The following MYH11 variants were observed in gnomAD, a reference collection of about 807,000 sequenced individuals.
The protein encoded by MYH11 is myosin-11.
MYH11 carries 80 observed loss-of-function variants against 246.6 expected under a neutral mutation model. The observed-to-expected ratio is 0.32, with a 90% CI of 0.27 to 0.39. MYH11 has a LOEUF of 0.39. MYH11 is among the 10% of genes least tolerant of loss of function. The pLI, the probability that MYH11 is intolerant of heterozygous loss-of-function variation, is 1.00. For synonymous variants in MYH11, 1,071 were observed against 1,015.5 expected (o/e 1.05, Z -1.04); for missense variants, 2,158 against 2,546.8 (o/e 0.85, Z 3.29).
At position 15,795,192 on chromosome 16, in the gene MYH11, C is replaced by T. The variant is rs541983969; in HGVS notation, c.530+3468G>A. 2.6e-5 allele frequency among the ~76,000 whole-genome samples: 4 copies of T among 152,246 alleles called. No individual in the cohort carries two copies. In the South Asian group the frequency reaches 6.2e-4, roughly 24 times the overall value. On this transcript the variant is annotated intron_variant, in intron 4 of 40. Transcript: ENST00000300036. Reference sequence around the variant, plus strand: ...GCATGATGGCATAATACTCGGGAAGCTGAGGCAGGAGAATTGCTTGAACCC... The same window carrying T: ...GCATGATGGCATAATACTCGGGAAGTTGAGGCAGGAGAATTGCTTGAACCC...
chr16:15,855,970 T>C (rs1169034018), intron 1 of MYH11, among the ~76,000 whole-genome samples: 2 of 152,228 alleles, frequency 1.3e-5, no homozygotes, highest in Non-Finnish European at 2.9e-5. Context: ...TGGCTTTGGA[T>C]GGTACCTTTT....
chr16:15,726,945 T>C lies in MYH11; in HGVS notation c.3761A>G (p.Lys1254Arg). 1 of 1,613,452 alleles carries C rather than the reference T, an allele frequency of 6.2e-7. No individual in the cohort carries two copies. The highest frequency in any genetic ancestry group is 8.5e-7 in the Non-Finnish European group (1 of 1,179,988). ...CTGCACCTGCGCCTCCAGCTTCTTCTTCTTATGTTCCACCTCCTGCTTGGC... is the reference window on the plus strand; with the variant it reads ...CTGCACCTGCGCCTCCAGCTTCTTCCTCTTATGTTCCACCTCCTGCTTGGC... ...GQAKQEVEHK[K>R]KKLEAQVQEL... Residue 1254 changes from lysine (K) to arginine (R), a missense_variant, in exon 28 of 41, where the codon AAG becomes AGG. By Grantham distance (26) the Lys-to-Arg change is conservative. Transcript: ENST00000300036.
intron 1 of MYH11, among the ~76,000 whole-genome samples, chr16:15,854,153 C>G (rs973473020): frequency 1.3e-5 from 2 of 152,084 alleles, no homozygotes; most frequent in African/African-American, 4.8e-5. Flanking sequence ...CAAATAGAAA[C>G]GAGGTTTATG....
chr16:15,805,983 G>A (rs760755026), intron 3 of MYH11, among the ~76,000 whole-genome samples: 1 of 151,882 alleles, frequency 6.6e-6, no homozygotes, highest in Non-Finnish European at 1.5e-5. Context: ...TATACTAAGT[G>A]AAAGAAGCTA....
Position 15,719,513 on chromosome 16 carries a change from C to T in MYH11, c.5082+72G>A, listed in dbSNP as rs1004548641. 2.5e-6 allele frequency: 4 copies of T among 1,607,800 alleles called. 1 individual carries two copies. In the Admixed American group the frequency reaches 6.7e-5, roughly 27 times the overall value. On this transcript the variant is annotated intron_variant, in intron 35 of 40. Coordinates refer to ENST00000300036, the MANE Select transcript of MYH11 (RefSeq NM_002474.3). ...GGACGAAATGAAATCTGGGAATGCA[C>T]AGACTGGAGCTGCCAAGGGGTGCTA...
chr16:15,786,850 G>A, intron 4 of MYH11, 118 bp from the exon 5 acceptor site: 1 of 973,456 alleles, frequency 1.0e-6, no homozygotes, highest in East Asian at 2.6e-5. Flanking sequence ...TGAAACAGAG[G>A]CTCCCAGAGG....
At chr16:15,792,831 AGTG>A in intron 4 of MYH11, 4 of 152,006 alleles carry the variant, frequency 2.6e-5, no homozygotes, top group Admixed American at 2.0e-4. Flanking sequence ...TCCCAGGCTC[AGTG>A]AACCGAGATC....
At chr16:15,824,986 C>T (rs1489946724) in intron 2 of MYH11, among the ~76,000 whole-genome samples, 1 of 152,158 alleles carries the variant, frequency 6.6e-6, no homozygotes, top group Non-Finnish European at 1.5e-5. Context: ...CCCCACAGCG[C>T]CTGCTCCTGA....
chr16:15,763,266 G>A (rs925016093), intron 10 of MYH11, among the ~76,000 whole-genome samples: 2 of 152,102 alleles, frequency 1.3e-5, no homozygotes, highest in African/African-American at 4.8e-5. Flanking sequence ...GATACCGTAA[G>A]AAGAGCTATT....
intron 10 of MYH11, 55 bp downstream of exon 10, chr16:15,763,741 T>TCGGGGCGCCC: frequency 1.5e-6 from 1 of 646,862 alleles, no homozygotes. Context: ...AAATGTCACC[T>TCGGGGCGCCC]CCCCCACCCC....
chr16:15,800,634 TG>T, intron 3 of MYH11, among the ~76,000 whole-genome samples: 1 of 150,534 alleles, frequency 6.6e-6, no homozygotes, highest in Non-Finnish European at 1.5e-5. Flanking sequence ...GATGGATGGA[TG>T]GATGGATGGG....
intron 5 of MYH11, chr16:15,784,687 C>T (rs1211659850): frequency 1.2e-6 from 2 of 1,613,844 alleles, no homozygotes; most frequent in Non-Finnish European, 8.5e-7. Context: ...AAAACACTCT[C>T]AGTTACTCAC....
At chr16:15,784,004 C>T (rs756153305) in intron 5 of MYH11, among the ~76,000 whole-genome samples, 4 of 152,010 alleles carry the variant, frequency 2.6e-5, no homozygotes, top group Non-Finnish European at 5.9e-5. Flanking sequence ...ACACATCAGC[C>T]CCCCAAGCTC....
chr16:15,778,706 C>T, intron 7 of MYH11, 74 bp downstream of exon 7: 4 of 1,436,308 alleles, frequency 2.8e-6, no homozygotes, highest in Non-Finnish European at 3.9e-6. Context: ...GGCTCTTGGA[C>T]TCTCCCAGCC....
At chr16:15,787,527 G>T (rs2042500453) in intron 4 of MYH11, among the ~76,000 whole-genome samples, 1 of 133,762 alleles carries the variant, frequency 7.5e-6, no homozygotes, top group African/African-American at 2.8e-5. Flanking sequence ...TCTGTCCCCA[G>T]GCTGGAGTAC....
chr16:15,813,212 G>C (rs535364890), intron 3 of MYH11, among the ~76,000 whole-genome samples: 1 of 151,950 alleles, frequency 6.6e-6, no homozygotes, highest in South Asian at 2.1e-4. Flanking sequence ...AATTAGCTGA[G>C]CATGGTGGTA....
chr16:15,797,322 G>A (rs994922230), intron 4 of MYH11, among the ~76,000 whole-genome samples: 12 of 151,882 alleles, frequency 7.9e-5, no homozygotes, highest in Admixed American at 1.3e-4. Flanking sequence ...ACATATGCAC[G>A]TCCATGCAAT....
intron 3 of MYH11, among the ~76,000 whole-genome samples, chr16:15,816,512 T>C (rs980341026): frequency 1.3e-5 from 2 of 152,126 alleles, no homozygotes; most frequent in South Asian, 2.1e-4. Context: ...TTGAATAACA[T>C]CTACATAATC....
Position 15,838,202 on chromosome 16 carries a change from G to T in MYH11, c.51C>A (p.Asp17Glu). ...LSDDEKFLFV[D>E]KNFINSPVAQ... ...CCACTGGGCTGTTGATGAAGTTTTT[G>T]TCCACAAAGAGGAACTTCTCATCGT... The change falls in exon 2 of 41, where the codon GAC becomes GAA. Residue 17 changes from aspartate to glutamate, a missense_variant. Coordinates refer to ENST00000300036, the MANE Select transcript of MYH11 (RefSeq NM_002474.3). 1 of 1,614,076 alleles carries T rather than the reference G, an allele frequency of 6.2e-7. No individual in the cohort carries two copies. The highest frequency in any genetic ancestry group is 8.5e-7 in the Non-Finnish European group (1 of 1,180,022).
Sources: allele counts gnomAD v4.1 joint callset (sites outside exome capture counted in the v4.1 genomes callset), GRCh38; gene constraint gnomAD v4.1.1; transcripts MANE v1.5; gene names NCBI Gene and HGNC (gene_info 2026-07-23, HGNC 2026-07-21).